Variants in CCDC146 observed in about 807,000 individuals in gnomAD.
CCDC146 encodes the protein coiled-coil domain-containing protein 146.
In CCDC146, 92 loss-of-function variants were observed where a neutral mutation model predicts 119.3. The ratio of observed to expected loss-of-function variants is 0.77; its 90% CI spans 0.65 to 0.92. The LOEUF is 0.92. Among genes scored for constraint, CCDC146 ranks in the 40% least tolerant of loss-of-function variants. CCDC146 has a pLI of 0.00. For synonymous variants in CCDC146, 372 were observed against 371.8 expected, an observed-to-expected ratio of 1.00 and a Z score of -0.01; for missense variants, 1,000 against 1,103.0, an observed-to-expected ratio of 0.91 and a Z score of 1.32.
At chr7:77,267,619 C>T (rs570175380) in intron 9 of CCDC146, among the ~76,000 whole-genome samples, 6 of 151,874 alleles carry the variant, frequency 4.0e-5, no homozygotes, top group Non-Finnish European at 7.4e-5. Context: ...TCTGTATACA[C>T]GGTATTCTCA....
At chr7:77,221,324 G>C (rs535099453) in intron 2 of CCDC146, among the ~76,000 whole-genome samples, 1 of 152,300 alleles carries the variant, frequency 6.6e-6, no homozygotes, top group African/African-American at 2.4e-5. Flanking sequence ...CAATTCAAAG[G>C]CTTTTAATAT....
chr7:77,225,023 C>T (rs1053942250), intron 2 of CCDC146, among the ~76,000 whole-genome samples: 1 of 152,058 alleles, frequency 6.6e-6, no homozygotes, highest in African/African-American at 2.4e-5. Flanking sequence ...GAGCACTATG[C>T]CCAAGATGGA....
intron 13 of CCDC146, among the ~76,000 whole-genome samples, chr7:77,279,857 G>T (rs1411703705): frequency 6.6e-6 from 1 of 152,162 alleles, no homozygotes; most frequent in Non-Finnish European, 1.5e-5. Context: ...AACAGTACAC[G>T]ATCAGGGTAT....
At chr7:77,163,256 T>A (rs146240682) in intron 1 of CCDC146, among the ~76,000 whole-genome samples, 2,808 of 152,226 alleles carry the variant, frequency 0.018, 81 homozygotes, top group African/African-American at 0.063. Flanking sequence ...AAGACCAGCA[T>A]GGCCAACATG....
rs768450986 is a variant in CCDC146, at chr7:77,273,685, G to T, written c.1174-9G>T. 1 of 1,593,098 alleles carries T rather than the reference G, an allele frequency of 6.3e-7. No individual in the cohort carries two copies. The highest frequency in any genetic ancestry group is 1.3e-5 in the African/African-American group (1 of 74,372). On this transcript the variant is annotated splice_polypyrimidine_tract_variant and intron_variant, in intron 9 of 18. Transcript: ENST00000285871. Reference sequence around the variant, plus strand: ...ACATAAATGCATGTTTTTAAATTTTGATTTCCAGATGGAAGCTATCCCCAA... The same window carrying T: ...ACATAAATGCATGTTTTTAAATTTTTATTTCCAGATGGAAGCTATCCCCAA...
chr7:77,275,852 C>T (rs567770932), intron 11 of CCDC146, among the ~76,000 whole-genome samples: 3 of 152,182 alleles, frequency 2.0e-5, no homozygotes, highest in African/African-American at 7.2e-5. Flanking sequence ...GGATTATGTC[C>T]AGATCATGCC....
chr7:77,286,551 C>G (rs746430621), intron 15 of CCDC146, among the ~76,000 whole-genome samples: 76 of 152,282 alleles, frequency 5.0e-4, no homozygotes, highest in Middle Eastern at 3.4e-3. Context: ...CCAGCTTTTT[C>G]TATGACCCAG....
At chr7:77,184,032 G>A (rs979438951) in intron 2 of CCDC146, among the ~76,000 whole-genome samples, 1 of 152,148 alleles carries the variant, frequency 6.6e-6, no homozygotes, top group Admixed American at 6.6e-5. Context: ...GTGATTTGAA[G>A]TTTAGACCTG....
chr7:77,132,185 C>A (rs185061642), intron 1 of CCDC146, among the ~76,000 whole-genome samples: 1 of 151,682 alleles, frequency 6.6e-6, no homozygotes, highest in East Asian at 1.9e-4. Context: ...TAAACTGTCT[C>A]AAAAATTAGA....
intron 6 of CCDC146, among the ~76,000 whole-genome samples, chr7:77,258,755 G>A (rs1793231239): frequency 6.6e-6 from 1 of 152,112 alleles, no homozygotes; most frequent in Admixed American, 6.6e-5. Context: ...CTCCATAAAG[G>A]GAATCTGGGC....
intron 1 of CCDC146, among the ~76,000 whole-genome samples, chr7:77,147,919 C>T (rs1256898761): frequency 6.6e-6 from 1 of 152,206 alleles, no homozygotes; most frequent in African/African-American, 2.4e-5. Context: ...CTGGGAGAAC[C>T]ACTACTCTCT....
intron 17 of CCDC146, 27 bp downstream of exon 17, chr7:77,287,604 T>G (rs199823281): frequency 5.0e-6 from 8 of 1,604,492 alleles, no homozygotes; most frequent in Non-Finnish European, 6.8e-6. Flanking sequence ...GCCTTTTCCC[T>G]TCTGCCCCTG....
chr7:77,186,471 G>A (rs953398946), intron 2 of CCDC146, among the ~76,000 whole-genome samples: 5 of 152,010 alleles, frequency 3.3e-5, no homozygotes, highest in Non-Finnish European at 7.4e-5. Context: ...GCAAGTAGAA[G>A]GATGGTTACA....
intron 15 of CCDC146, 109 bp from the exon 16 acceptor site, chr7:77,286,689 C>A: frequency 1.0e-6 from 1 of 1,000,052 alleles, no homozygotes; most frequent in Non-Finnish European, 1.5e-6. Context: ...CTCTTCTACC[C>A]TTGTCTGGGT....
Position 77,227,704 on chromosome 7 carries a change from T to A in CCDC146, c.157-9243T>A, listed in dbSNP as rs1185509140. On this transcript the variant is annotated intron_variant, in intron 2 of 18. Transcript: ENST00000285871. ...GCCTATATCTGCCACTAGGACCTGATCACAGTACTCTCTAAATTCTAATTC... is the reference window on the plus strand; with the variant it reads ...GCCTATATCTGCCACTAGGACCTGAACACAGTACTCTCTAAATTCTAATTC... Among the ~76,000 whole-genome samples, 5 of 152,320 alleles carry A rather than the reference T, an allele frequency of 3.3e-5. No homozygotes were observed. The East Asian group carries it at 9.6e-4, about 29-fold the overall frequency.
At chr7:77,155,524 AAG>A (rs1444914782) in intron 1 of CCDC146, among the ~76,000 whole-genome samples, 1 of 151,840 alleles carries the variant, frequency 6.6e-6, no homozygotes, top group African/African-American at 2.4e-5. Flanking sequence ...TATAATAGGA[AAG>A]AGTGAGGGAT....
chr7:77,143,124 G>A lies in CCDC146; in HGVS notation c.-12+20392G>A, dbSNP rs1185346738. ...TTGCCATTCTAACTGGTGTGAGATG[G>A]TATCTCACTGTGGTTTTAATTTGCA... On this transcript the variant is annotated intron_variant, in intron 1 of 18. Coordinates refer to ENST00000285871, the MANE Select transcript of CCDC146 (RefSeq NM_020879.3). Among the ~76,000 whole-genome samples the A allele has an allele frequency of 2.6e-5, 4 of 151,784 alleles. No individual in the cohort carries two copies. In the East Asian group the frequency reaches 7.7e-4, roughly 29 times the overall value.
intron 2 of CCDC146, chr7:77,195,636 GA>G (rs3093281): frequency 1.3e-3 from 191 of 152,164 alleles, no homozygotes; most frequent in African/African-American, 4.5e-3. Flanking sequence ...ACTTTGTGTA[GA>G]ATCCAGCCTA....
At chr7:77,286,727 C>T in intron 15 of CCDC146, 71 bp from the exon 16 acceptor site, 1 of 1,527,922 alleles carries the variant, frequency 6.5e-7, no homozygotes, top group Non-Finnish European at 9.0e-7. Flanking sequence ...TCTCAAGACC[C>T]TAGGCAATGT....
Sources: allele counts gnomAD v4.1 joint callset (sites outside exome capture counted in the v4.1 genomes callset), GRCh38; gene constraint gnomAD v4.1.1; transcripts MANE v1.5; gene names NCBI Gene and HGNC (gene_info 2026-07-23, HGNC 2026-07-21).